PFKFB3: variants seen among roughly 807,000 people sequenced by gnomAD.
The protein encoded by PFKFB3 is 6-phosphofructo-2-kinase/fructose-2,6-bisphosphatase 3.
Under a neutral mutation model 68.0 loss-of-function variants are expected in PFKFB3, and 33 were observed. That is an observed-to-expected ratio of 0.49 (90% CI 0.37 to 0.65). The LOEUF (loss-of-function observed/expected upper bound fraction) is 0.65. PFKFB3 is among the 30% of genes least tolerant of loss of function. The pLI is 0.00. For missense variants in PFKFB3, 586 were observed against 712.2 expected (o/e 0.82, Z 2.02); for synonymous variants, 315 against 288.2 (o/e 1.09, Z -0.94).
chr10:6,305,396 G>T, the PFKFB3 span, among the ~76,000 whole-genome samples: 1 of 151,022 alleles, frequency 6.6e-6, no homozygotes, highest in Non-Finnish European at 1.5e-5. Flanking sequence ...GCCCAGGCTG[G>T]CCTTGAACTC....
intron 1 of PFKFB3, among the ~76,000 whole-genome samples, chr10:6,152,800 G>A (rs1841635998): frequency 6.6e-6 from 1 of 152,190 alleles, no homozygotes; most frequent in Non-Finnish European, 1.5e-5. Flanking sequence ...AGGATTGCCT[G>A]AGCCTGGGAA....
chr10:6,277,718 C>A, the PFKFB3 span: 1 of 400,064 alleles, frequency 2.5e-6, no homozygotes. Flanking sequence ...TCCCTAGAAG[C>A]TGAGCAGATG....
At chr10:6,180,900 A>G (rs891507216) in intron 1 of PFKFB3, among the ~76,000 whole-genome samples, 3 of 152,202 alleles carry the variant, frequency 2.0e-5, no homozygotes, top group African/African-American at 7.2e-5. Flanking sequence ...GTGTTCCTAA[A>G]ACTAAGATGT....
the PFKFB3 span, among the ~76,000 whole-genome samples, chr10:6,281,399 A>G: frequency 2.0e-5 from 3 of 151,982 alleles, no homozygotes; most frequent in Non-Finnish European, 2.9e-5. Context: ...GGCTCCATCT[A>G]GCTGCAAGTG....
intron 1 of PFKFB3, among the ~76,000 whole-genome samples, chr10:6,207,401 T>C (rs564801299): frequency 3.8e-4 from 58 of 152,282 alleles, no homozygotes; most frequent in African/African-American, 1.2e-3. Context: ...AGTCCAGCTT[T>C]GGCTCGGCAT....
At chr10:6,294,500 G>A in the PFKFB3 span, 1 of 216,186 alleles carries the variant, frequency 4.6e-6, no homozygotes, top group East Asian at 1.2e-4. Flanking sequence ...GCTATCACAA[G>A]AACAGCATGG....
At chr10:6,149,864 T>C (rs1318499414) in intron 1 of PFKFB3, 1 of 152,526 alleles carries the variant, frequency 6.6e-6, no homozygotes, top group Non-Finnish European at 1.5e-5. Flanking sequence ...GCTCTCAAAA[T>C]GCACTGTGTG....
At chr10:6,196,023 G>T (rs1843166371) in intron 1 of PFKFB3, among the ~76,000 whole-genome samples, 2 of 152,048 alleles carry the variant, frequency 1.3e-5, no homozygotes. Context: ...TTCCTCTTTT[G>T]CTTTCATAAG....
At chr10:6,155,984 C>A (rs1431252943) in intron 1 of PFKFB3, among the ~76,000 whole-genome samples, 1 of 152,016 alleles carries the variant, frequency 6.6e-6, no homozygotes, top group Non-Finnish European at 1.5e-5. Flanking sequence ...AACATCCTAC[C>A]CAATAGGCAG....
the PFKFB3 span, among the ~76,000 whole-genome samples, chr10:6,278,271 G>C: frequency 1.4e-4 from 21 of 151,378 alleles, no homozygotes; most frequent in South Asian, 2.1e-4. Flanking sequence ...AGCCATTGTT[G>C]ATTTTTTTTT....
chr10:6,317,824 T>C, the PFKFB3 span, among the ~76,000 whole-genome samples: 101 of 152,326 alleles, frequency 6.6e-4, 2 homozygotes, highest in Admixed American at 2.5e-3. Context: ...GAAGAAATTG[T>C]GTCTGGGACC....
chr10:6,191,327 G>T (rs955611071), intron 1 of PFKFB3, among the ~76,000 whole-genome samples: 1 of 152,194 alleles, frequency 6.6e-6, no homozygotes, highest in Non-Finnish European at 1.5e-5. Flanking sequence ...GACCGCTCAA[G>T]ACCCGTTGCG....
chr10:6,251,891 C>G (rs948008283), intron 14 of PFKFB3, among the ~76,000 whole-genome samples: 2 of 152,112 alleles, frequency 1.3e-5, no homozygotes, highest in African/African-American at 4.8e-5. Flanking sequence ...TCACTTGAAC[C>G]CGGAAGGTGG....
intron 1 of PFKFB3, among the ~76,000 whole-genome samples, chr10:6,168,557 C>T (rs1842206044): frequency 6.6e-6 from 1 of 152,230 alleles, no homozygotes. Flanking sequence ...TGCCACCCTG[C>T]TGGTGGCCAC....
At chr10:6,230,595 T>A (rs1845674293) in intron 14 of PFKFB3, among the ~76,000 whole-genome samples, 1 of 152,142 alleles carries the variant, frequency 6.6e-6, no homozygotes, top group Admixed American at 6.5e-5. Flanking sequence ...CTTCTGGGCT[T>A]GCTGGCATTG....
At position 6,216,143 on chromosome 10, in the gene PFKFB3, C is replaced by T. The variant is rs1365280403; in HGVS notation, c.318C>T (p.Ala106=). The T allele has an allele frequency of 6.2e-7, 1 of 1,614,160 alleles. No individual in the cohort carries two copies. Among genetic ancestry groups the T allele is most frequent in the South Asian group, 1.1e-5 (1 of 91,088 alleles). Residue 106 remains alanine, a synonymous_variant, in exon 4 of 15, where the codon GCC becomes GCT. Transcript: ENST00000379775. ...MKVRKQCALA[A]LRDVKSYLAK... is the part of the protein sequence containing the mutation. ...ATTCCAGGCAATGTGCCTTAGCTGC[C>T]TTGAGAGATGTCAAAAGCTACCTGG...
chr10:6,159,291 A>G (rs1452518702), intron 1 of PFKFB3, among the ~76,000 whole-genome samples: 2 of 152,124 alleles, frequency 1.3e-5, no homozygotes, highest in Non-Finnish European at 2.9e-5. Flanking sequence ...GCTACTTGGG[A>G]GGCTGAGAAG....
At chr10:6,257,648 G>T (rs1300965100), downstream of PFKFB3, among the ~76,000 whole-genome samples, 2 of 152,164 alleles carry the variant, frequency 1.3e-5, no homozygotes, top group Admixed American at 6.5e-5. Context: ...GTAAATGGTG[G>T]CATGTCCTGT....
chr10:6,276,838 T>TTGTGTGCG, the PFKFB3 span, among the ~76,000 whole-genome samples: 1 of 147,200 alleles, frequency 6.8e-6, no homozygotes, highest in Non-Finnish European at 1.5e-5. Context: ...TTATATGTAT[T>TTGTGTGCG]TGTGTGTGTG....
Sources: gnomAD v4.1 joint callset for allele counts (sites outside exome capture counted in the v4.1 genomes callset) on GRCh38, gnomAD v4.1.1 for gene constraint, MANE v1.5 for transcripts, NCBI Gene and HGNC (gene_info 2026-07-23, HGNC 2026-07-21) for gene names.